The following BLM variants were observed in gnomAD, a reference collection of about 807,000 sequenced individuals.
BLM encodes recQ-like DNA helicase BLM.
BLM carries 95 observed loss-of-function variants against 135.3 expected under a neutral mutation model. The ratio of observed to expected loss-of-function variants is 0.70; its 90% CI spans 0.59 to 0.83. BLM has a LOEUF of 0.83. BLM is among the 40% of genes least tolerant of loss of function. The pLI is 0.00. For synonymous variants in BLM, 520 were observed against 589.2 expected, an observed-to-expected ratio of 0.88 and a Z score of 1.70; for missense variants, 1,518 against 1,663.9, an observed-to-expected ratio of 0.91 and a Z score of 1.53.
chr15:90,763,053 A>C lies in BLM; in HGVS notation c.1970A>C (p.Lys657Thr). The change falls in exon 8 of 22, where the codon AAG becomes ACG. Residue 657 changes from lysine (K) to threonine (T), a missense_variant. Physicochemically the swap from Lys to Thr is moderately conservative, Grantham distance 78. Around this residue, in one of 5 missense-constraint regions of BLM, gnomAD observed 724 missense variants for 756.9 expected, o/e 0.96. Coordinates refer to ENST00000355112, the MANE Select transcript of BLM (RefSeq NM_000057.4). The stretch of plus-strand genomic sequence containing the variant: ...TTTCCTCATACAAAGGAAATGATGA[A>C]GATTTTTCATAAAAAATTTGGCCTG... Reference protein sequence around the residue: ...LSFPHTKEMMKIFHKKFGLHN... With the variant: ...LSFPHTKEMMTIFHKKFGLHN... The C allele has an allele frequency of 6.2e-7, 1 of 1,614,070 alleles. No homozygotes were observed. The highest frequency in any genetic ancestry group is 8.5e-7 in the Non-Finnish European group (1 of 1,179,976).
At chr15:90,724,512 C>A (rs1051870204) in intron 1 of BLM, among the ~76,000 whole-genome samples, 1 of 152,142 alleles carries the variant, frequency 6.6e-6, no homozygotes. Context: ...CTGACACTAA[C>A]TGCCAGGTGT....
At chr15:90,759,958 T>C in intron 5 of BLM, 189 bp from the exon 6 acceptor site, 1 of 212,470 alleles carries the variant, frequency 4.7e-6, no homozygotes, top group African/African-American at 2.4e-5. Flanking sequence ...TCTTAAGACT[T>C]TTTTTTTTTT....
At chr15:90,747,059 A>G (rs1463095439) in intron 1 of BLM, among the ~76,000 whole-genome samples, 2 of 151,604 alleles carry the variant, frequency 1.3e-5, no homozygotes, top group Non-Finnish European at 2.9e-5. Flanking sequence ...GCCAGGTCCC[A>G]TTTTTCTAAA....
chr15:90,797,685 G>C (rs1229020581), intron 16 of BLM, among the ~76,000 whole-genome samples: 3 of 152,062 alleles, frequency 2.0e-5, no homozygotes, highest in Non-Finnish European at 4.4e-5. Context: ...GGGAGAGAAA[G>C]GCAAAAAGTC....
intron 1 of BLM, among the ~76,000 whole-genome samples, chr15:90,730,755 T>G (rs1895047142): frequency 6.6e-6 from 1 of 152,064 alleles, no homozygotes; most frequent in South Asian, 2.1e-4. Context: ...GTGATAAGAG[T>G]TTTCATTATG....
intron 20 of BLM, 50 bp from the exon 21 acceptor site, chr15:90,811,155 C>A: frequency 6.3e-7 from 1 of 1,591,878 alleles, no homozygotes; most frequent in Non-Finnish European, 8.6e-7. Flanking sequence ...ACTAAAAACA[C>A]GTGGACCAGT....
At position 90,804,336 on chromosome 15, in the gene BLM, C is replaced by T. The variant is rs972145772; in HGVS notation, c.3728C>T (p.Thr1243Ile). Residue 1243 changes from threonine to isoleucine, a missense_variant, in exon 19 of 22, where the codon ACC (threonine) becomes ATC (isoleucine). Coordinates refer to ENST00000355112, the MANE Select transcript of BLM (RefSeq NM_000057.4). ...GTCCATTACTTCAATATTTTTAATA[C>T]CGTCACTCTCAAGAAGCTTGCAGGT... ...FGVHYFNIFN[T>I]VTLKKLAESL... 18 of 1,613,960 alleles carry T rather than the reference C, an allele frequency of 1.1e-5. No individual in the cohort carries two copies. The highest frequency in any genetic ancestry group is 1.5e-5 in the Non-Finnish European group (18 of 1,179,956).
chr15:90,797,099 C>T (rs965814871), intron 16 of BLM, among the ~76,000 whole-genome samples: 8 of 152,074 alleles, frequency 5.3e-5, no homozygotes, highest in African/African-American at 1.9e-4. Flanking sequence ...AGGATCAGCT[C>T]TGTATACCTA....
chr15:90,765,569 T>C (rs1432059495), intron 9 of BLM, among the ~76,000 whole-genome samples, 155 bp downstream of exon 9: 2 of 152,260 alleles, frequency 1.3e-5, no homozygotes, highest in Non-Finnish European at 2.9e-5. Context: ...TTGATACAGA[T>C]AACCTCTAGT....
chr15:90,765,664 G>A (rs867818808), intron 9 of BLM, among the ~76,000 whole-genome samples: 1 of 152,088 alleles, frequency 6.6e-6, no homozygotes, highest in Non-Finnish European at 1.5e-5. Context: ...TTTTTTTAAC[G>A]AATAGAAAAT....
rs769982824 is a variant in BLM, at chr15:90,794,203, A to C, written c.3056A>C (p.His1019Pro). The change falls in exon 16 of 22, where the codon CAC (histidine) becomes CCC (proline). Residue 1019 changes from histidine to proline, a missense_variant. Physicochemically the swap from His to Pro is moderately conservative, Grantham distance 77. Around this residue, in one of 5 missense-constraint regions of BLM, gnomAD observed 626 missense variants for 681.1 expected, o/e 0.92. Transcript: ENST00000355112. ...GGAAACCATCATACAAGAGAAACTC[A>C]CTTCAATAATTTGTATAGCATGGTA... ...KDGNHHTRET[H>P]FNNLYSMVHY... 5 of 1,606,188 alleles carry C rather than the reference A, an allele frequency of 3.1e-6. No individual in the cohort carries two copies. Among genetic ancestry groups the C allele is most frequent in the Non-Finnish European group, 4.3e-6 (5 of 1,175,178 alleles).
Position 90,749,802 on chromosome 15 carries a change from A to C in BLM, c.534A>C (p.Val178=). 6.2e-7 allele frequency: 1 copy of C among 1,609,772 alleles called. No individual in the cohort carries two copies. Among genetic ancestry groups the C allele is most frequent in the Non-Finnish European group, 8.5e-7 (1 of 1,177,870 alleles). ...TTACACCACCCCAAAGTCACTTTGT[A>C]AGAGTAAGCACTGCTCAGAAATCAA... ...SFVTPPQSHF[V]RVSTAQKSKK... is the part of the protein sequence containing the mutation. Residue 178 remains valine (V), a synonymous_variant, in exon 3 of 22, where the codon GTA becomes GTC. Transcript: ENST00000355112.
intron 14 of BLM, among the ~76,000 whole-genome samples, chr15:90,787,150 C>T (rs1420843727): frequency 4.8e-5 from 7 of 144,500 alleles, no homozygotes; most frequent in Non-Finnish European, 4.5e-5. Context: ...CTCGGGTTCA[C>T]GCCATTCTCC....
intron 12 of BLM, among the ~76,000 whole-genome samples, chr15:90,771,157 G>A (rs910315393): frequency 9.2e-5 from 14 of 152,136 alleles, no homozygotes; most frequent in Admixed American, 5.9e-4. Flanking sequence ...AATATTTTGC[G>A]TCTATAATTG....
intron 1 of BLM, among the ~76,000 whole-genome samples, chr15:90,725,627 A>G (rs1437860503): frequency 6.6e-6 from 1 of 150,414 alleles, no homozygotes; most frequent in Non-Finnish European, 1.5e-5. Flanking sequence ...CCAAGTCCCA[A>G]GTAGCTGGGA....
In BLM at chr15:90,798,251, A is replaced by G. The variant is rs750954124; in HGVS notation, c.3272A>G (p.His1091Arg). 8 of 1,611,888 alleles carry G rather than the reference A, an allele frequency of 5.0e-6. No homozygotes were observed. The highest frequency in any genetic ancestry group is 1.7e-4 in the Middle Eastern group (1 of 6,052). Residue 1091 changes from histidine (H) to arginine (R), a missense_variant, in exon 17 of 22, where the codon CAT (histidine) becomes CGT (arginine). Around this residue, in one of 5 missense-constraint regions of BLM, gnomAD observed 626 missense variants for 681.1 expected, o/e 0.92. Transcript: ENST00000355112. ...VKSIVRFVQE[H>R]SSSQGMRNIK... ...AGTATTGTAAGATTTGTTCAAGAAC[A>G]TAGTTCATCACAAGGAATGAGAAAT...
intron 1 of BLM, among the ~76,000 whole-genome samples, chr15:90,723,331 T>A (rs1356733300): frequency 6.6e-6 from 1 of 151,662 alleles, no homozygotes; most frequent in Non-Finnish European, 1.5e-5. Context: ...GTTGTAGATA[T>A]AGTTTTTCTT....
intron 7 of BLM, 36 bp downstream of exon 7, chr15:90,761,291 C>T (rs762930114): frequency 2.0e-5 from 27 of 1,378,452 alleles, no homozygotes; most frequent in Non-Finnish European, 2.4e-5. Context: ...TATATGAAAA[C>T]AAAACTGTCC....
chr15:90,718,528 T>C (rs904614843), intron 1 of BLM, among the ~76,000 whole-genome samples: 4 of 152,174 alleles, frequency 2.6e-5, no homozygotes, highest in Non-Finnish European at 4.4e-5. Flanking sequence ...GATCAGAAGA[T>C]GAAGAAGCGG....
Sources: allele counts gnomAD v4.1 joint callset (sites outside exome capture counted in the v4.1 genomes callset), GRCh38; gene constraint gnomAD v4.1.1; regional missense constraint gnomAD v4.1.1; transcripts MANE v1.5; gene names NCBI Gene and HGNC (gene_info 2026-07-23, HGNC 2026-07-21).